Variants in FYN observed in about 807,000 individuals in gnomAD.
FYN encodes FYN proto-oncogene, Src family tyrosine kinase, also known as tyrosine-protein kinase Fyn.
In FYN, 10 loss-of-function variants were observed where a neutral mutation model predicts 70.2. That is an observed-to-expected ratio of 0.14 (90% CI 0.09 to 0.24). The LOEUF (loss-of-function observed/expected upper bound fraction) is 0.24, where lower values mean the gene tolerates loss of function less well. Ranked by LOEUF, FYN falls within the 10% of genes least tolerant of loss-of-function variation. The pLI, the probability that FYN is intolerant of heterozygous loss-of-function variation, is 1.00. For synonymous variants in FYN, 236 were observed against 248.6 expected (o/e 0.95, Z 0.48); for missense variants, 319 against 673.1 (o/e 0.47, Z 5.82).
intron 3 of FYN, among the ~76,000 whole-genome samples, chr6:111,727,957 C>T (rs1038363598): frequency 1.3e-5 from 2 of 152,096 alleles, no homozygotes; most frequent in Admixed American, 6.5e-5. Flanking sequence ...ATTTCTCGAG[C>T]CCGAAGACTC....
chr6:111,699,440 G>C (rs1420216067), intron 9 of FYN: 1 of 1,482,702 alleles, frequency 6.7e-7, no homozygotes, highest in Non-Finnish European at 9.2e-7. Context: ...ACGGCTGTGT[G>C]TGCATTTTTG....
At chr6:111,843,803 A>T (rs1184869741) in intron 2 of FYN, among the ~76,000 whole-genome samples, 1 of 152,178 alleles carries the variant, frequency 6.6e-6, no homozygotes, top group African/African-American at 2.4e-5. Context: ...CTGCTGTCAG[A>T]CAGTCACTGC....
At chr6:111,835,494 G>A (rs1404298522) in intron 2 of FYN, among the ~76,000 whole-genome samples, 4 of 152,260 alleles carry the variant, frequency 2.6e-5, no homozygotes, top group African/African-American at 9.6e-5. Flanking sequence ...TCCTTGGCCA[G>A]TCGCCATGAG....
intron 1 of FYN, 106 bp from the exon 2 acceptor site, chr6:111,846,735 C>T (rs1446236883): frequency 1.0e-5 from 4 of 397,484 alleles, no homozygotes; most frequent in African/African-American, 8.2e-5. Flanking sequence ...TTGTTGCAGA[C>T]AATCAATTTG....
rs139475465 is a variant in FYN at position 111,695,174 on chromosome 6, C to T, written c.1043-470G>A. Among the ~76,000 whole-genome samples, 42 of 152,260 alleles carry T rather than the reference C, an allele frequency of 2.8e-4. 1 individual carries two copies. Among genetic ancestry groups the T allele is most frequent in the African/African-American group, 9.6e-4 (40 of 41,550 alleles). ...CAAATTCTCAGGTCCCATCCCAGAT[C>T]GAGTAAATCAGAAACTTTGAAGGTT... On this transcript the variant is annotated intron_variant, in intron 10 of 13. Transcript: ENST00000354650.
intron 2 of FYN, among the ~76,000 whole-genome samples, chr6:111,814,733 T>C (rs1422985206): frequency 6.6e-6 from 1 of 152,194 alleles, no homozygotes; most frequent in Non-Finnish European, 1.5e-5. Context: ...AACTCCATAC[T>C]TGTTCTATAA....
chr6:111,872,813 A>G (rs1774324373), intron 1 of FYN, among the ~76,000 whole-genome samples, 155 bp downstream of exon 1: 1 of 151,480 alleles, frequency 6.6e-6, no homozygotes. Flanking sequence ...GACCCCAAGC[A>G]CCGACTCCCC....
Position 111,707,936 on chromosome 6 carries a change from A to G in FYN, c.429T>C (p.Ser143=), listed in dbSNP as rs745791320. ...ATGAAACATACTCTTCTGCCTGGATAGAGTCAACTGGAGCCACATAATTGC... is the reference window on the plus strand; with the variant it reads ...ATGAAACATACTCTTCTGCCTGGATGGAGTCAACTGGAGCCACATAATTGC... ...IPSNYVAPVD[S]IQAEEWYFGK... The change falls in exon 6 of 14, where the codon TCT becomes TCC. Residue 143 remains serine (S), a synonymous_variant. Coordinates refer to ENST00000354650, the MANE Select transcript of FYN (RefSeq NM_002037.5). The G allele has an allele frequency of 1.2e-5, 19 of 1,613,092 alleles. No homozygotes were observed. The highest frequency in any genetic ancestry group is 1.5e-5 in the Non-Finnish European group (18 of 1,179,174).
chr6:111,756,252 T>C (rs1802729043), intron 3 of FYN, among the ~76,000 whole-genome samples: 1 of 151,966 alleles, frequency 6.6e-6, no homozygotes, highest in Non-Finnish European at 1.5e-5. Flanking sequence ...AAATGAAGAA[T>C]ATCACAGAAA....
chr6:111,836,046 C>T (rs1005680774), intron 2 of FYN, among the ~76,000 whole-genome samples: 2 of 152,202 alleles, frequency 1.3e-5, no homozygotes, highest in African/African-American at 4.8e-5. Flanking sequence ...ACCCTCCATG[C>T]AGGATTCTGA....
chr6:111,808,763 G>A (rs1772233071), intron 2 of FYN, among the ~76,000 whole-genome samples: 1 of 152,188 alleles, frequency 6.6e-6, no homozygotes, highest in South Asian at 2.1e-4. Context: ...GCTAAAGGCT[G>A]TGCCACACCC....
chr6:111,669,983 G>C (rs1355034788), intron 13 of FYN, among the ~76,000 whole-genome samples: 1 of 152,020 alleles, frequency 6.6e-6, no homozygotes, highest in Non-Finnish European at 1.5e-5. Context: ...ATGATGTTCA[G>C]TTGGGCTTTG....
intron 3 of FYN, among the ~76,000 whole-genome samples, chr6:111,780,050 T>C (rs904789209): frequency 1.3e-5 from 2 of 152,174 alleles, no homozygotes; most frequent in Admixed American, 1.3e-4. Context: ...TAGCAAGGTC[T>C]GGGTGGTTGC....
At chr6:111,865,635 A>C (rs1774083514) in intron 1 of FYN, among the ~76,000 whole-genome samples, 1 of 152,202 alleles carries the variant, frequency 6.6e-6, no homozygotes, top group Non-Finnish European at 1.5e-5. Flanking sequence ...GCTCAACTAG[A>C]AACACTAAAA....
chr6:111,712,007 A>C (rs1800402376), intron 5 of FYN, among the ~76,000 whole-genome samples: 1 of 152,244 alleles, frequency 6.6e-6, no homozygotes, highest in Non-Finnish European at 1.5e-5. Flanking sequence ...CTCCGTAAAC[A>C]TCAAAGGCCG....
rs191111141 is a variant in FYN, at chr6:111,725,796, G to A, written c.-11-5734C>T. Among the ~76,000 whole-genome samples the A allele has an allele frequency of 2.2e-3, 330 of 152,248 alleles. 1 individual carries two copies. In the South Asian group the frequency reaches 0.022, roughly 10 times the overall value. On this transcript the variant is annotated intron_variant, in intron 3 of 13. Transcript: ENST00000354650. ...AGGGAGAATTCTGAGCTGTCCCCCA[G>A]GACTCCTACTCCCGGTGTATGTGCC...
chr6:111,742,355 A>G (rs1802012603), intron 3 of FYN, among the ~76,000 whole-genome samples: 1 of 152,226 alleles, frequency 6.6e-6, no homozygotes, highest in Admixed American at 6.5e-5. Context: ...CCAGTGTAGA[A>G]AAAAACACCC....
intron 2 of FYN, among the ~76,000 whole-genome samples, chr6:111,803,758 G>C (rs1356849670): frequency 1.3e-5 from 2 of 152,160 alleles, no homozygotes; most frequent in African/African-American, 4.8e-5. Flanking sequence ...AGATTAAAAT[G>C]AAACAACTTG....
At chr6:111,843,523 G>A (rs766626705) in intron 2 of FYN, among the ~76,000 whole-genome samples, 3 of 152,098 alleles carry the variant, frequency 2.0e-5, no homozygotes, top group Non-Finnish European at 2.9e-5. Context: ...GCACTACTGC[G>A]TCCCCCTCTT....
Sources: allele counts gnomAD v4.1 joint callset (sites outside exome capture counted in the v4.1 genomes callset), GRCh38; gene constraint gnomAD v4.1.1; transcripts MANE v1.5; gene names NCBI Gene and HGNC (gene_info 2026-07-23, HGNC 2026-07-21).